The following FAM81B variants were observed in gnomAD, a reference collection of about 807,000 sequenced individuals.
FAM81B encodes family with sequence similarity 81 member B.
A neutral mutation model predicts 58.7 loss-of-function variants in FAM81B; 60 were observed. The observed-to-expected ratio is 1.02, with a 90% CI of 0.83 to 1.27. The LOEUF (loss-of-function observed/expected upper bound fraction) is 1.27. Ranked by LOEUF, FAM81B falls within the 50% of genes most tolerant of loss-of-function variation. The probability of loss-of-function intolerance (pLI) is 0.00; values close to 1 mark genes in which losing one functional copy is unlikely to be tolerated. For synonymous variants in FAM81B, 189 were observed against 179.6 expected (o/e 1.05, Z -0.42); for missense variants, 491 against 522.0 (o/e 0.94, Z 0.58).
intron 3 of FAM81B, among the ~76,000 whole-genome samples, chr5:95,399,951 A>T (rs568791815): frequency 9.8e-5 from 15 of 152,348 alleles, no homozygotes; most frequent in Middle Eastern, 6.8e-3. Context: ...GGAGAGGCTA[A>T]CTAAAATGTT....
intron 4 of FAM81B, 103 bp downstream of exon 4, chr5:95,414,293 A>G: frequency 8.1e-7 from 1 of 1,238,358 alleles, no homozygotes; most frequent in East Asian, 2.4e-5. Context: ...GCAGAAATAT[A>G]TCACTATTGC....
At chr5:95,392,619 G>A (rs1463763698) in intron 1 of FAM81B, among the ~76,000 whole-genome samples, 175 bp from the exon 2 acceptor site, 2 of 152,104 alleles carry the variant, frequency 1.3e-5, no homozygotes, top group African/African-American at 4.8e-5. Flanking sequence ...ATGTTATGGG[G>A]GGATGGGGGA....
chr5:95,447,456 G>A (rs559635237), intron 8 of FAM81B, among the ~76,000 whole-genome samples: 4 of 152,198 alleles, frequency 2.6e-5, no homozygotes, highest in South Asian at 2.1e-4. Flanking sequence ...TAAGGCTATC[G>A]AAGTATGTGT....
At chr5:95,449,328 A>G (rs1745705359) in intron 9 of FAM81B, among the ~76,000 whole-genome samples, 1 of 152,168 alleles carries the variant, frequency 6.6e-6, no homozygotes, top group African/African-American at 2.4e-5. Flanking sequence ...TCCCACCGTC[A>G]TATCAAAATA....
At chr5:95,415,787 T>C (rs1762524319) in intron 4 of FAM81B, among the ~76,000 whole-genome samples, 1 of 152,202 alleles carries the variant, frequency 6.6e-6, no homozygotes, top group Admixed American at 6.5e-5. Flanking sequence ...GATTGTTATA[T>C]GGTTGATTAC....
intron 5 of FAM81B, among the ~76,000 whole-genome samples, chr5:95,422,602 C>A (rs1219332409): frequency 6.6e-6 from 1 of 152,054 alleles, no homozygotes; most frequent in Non-Finnish European, 1.5e-5. Flanking sequence ...CATGCCTCAG[C>A]CTCCTGAGTG....
intron 4 of FAM81B, among the ~76,000 whole-genome samples, chr5:95,417,269 T>G (rs1012203318): frequency 9.9e-5 from 15 of 152,222 alleles, no homozygotes; most frequent in Admixed American, 7.2e-4. Context: ...GAATTGAAAT[T>G]TATCACTTTA....
intron 5 of FAM81B, among the ~76,000 whole-genome samples, chr5:95,421,279 T>G (rs971166177): frequency 6.6e-6 from 1 of 152,120 alleles, no homozygotes; most frequent in Non-Finnish European, 1.5e-5. Context: ...AATGTCCAAA[T>G]CAGACCCACA....
chr5:95,448,919 A>G (rs1358141314), intron 9 of FAM81B: 1 of 323,312 alleles, frequency 3.1e-6, no homozygotes, highest in East Asian at 8.2e-5. Flanking sequence ...ATGAATTAGC[A>G]GAGTCCAGTA....
intron 2 of FAM81B, among the ~76,000 whole-genome samples, chr5:95,395,442 CAAAAAA>C (rs70978184): frequency 6.8e-5 from 7 of 103,114 alleles, no homozygotes; most frequent in African/African-American, 1.9e-4. Flanking sequence ...GACCCCGTCT[CAAAAAA>C]AAAAAAAAAA....
chr5:95,447,558 G>A (rs559569815), intron 8 of FAM81B, among the ~76,000 whole-genome samples: 23 of 152,286 alleles, frequency 1.5e-4, no homozygotes, highest in South Asian at 8.3e-4. Context: ...CTAGGTAACC[G>A]TGGGGTCATT....
At chr5:95,448,783 G>C (rs1745688345) in intron 9 of FAM81B, 1 of 456,506 alleles carries the variant, frequency 2.2e-6, no homozygotes, top group African/African-American at 2.1e-5. Flanking sequence ...ACATACCCAA[G>C]ACGTGACTTG....
rs141758067 is a variant in FAM81B, at chr5:95,425,913, TC to T, written c.657-2689del. Among the ~76,000 whole-genome samples, 1,182 of 150,880 alleles carry T rather than the reference TC, an allele frequency of 7.8e-3. 6 individuals carry two copies. Among genetic ancestry groups the T allele is most frequent in the Non-Finnish European group, 0.011 (750 of 67,904 alleles). Reference sequence around the variant, plus strand: ...CAATCTATGATAGCTTTTTATAGATTCTTTTTTTTAGAAATCTCTCTCATAG... The same window carrying T: ...CAATCTATGATAGCTTTTTATAGATTTTTTTTTTAGAAATCTCTCTCATAG... On this transcript the variant is annotated intron_variant, in intron 5 of 9. Coordinates refer to ENST00000283357, the MANE Select transcript of FAM81B (RefSeq NM_152548.3).
At chr5:95,426,814 T>C (rs950056749) in intron 5 of FAM81B, among the ~76,000 whole-genome samples, 6 of 152,132 alleles carry the variant, frequency 3.9e-5, no homozygotes, top group African/African-American at 7.2e-5. Flanking sequence ...TTTGGGAGGC[T>C]GAGGCGGGCC....
intron 1 of FAM81B, among the ~76,000 whole-genome samples, chr5:95,391,987 C>T (rs1014685057): frequency 6.6e-6 from 1 of 152,168 alleles, no homozygotes; most frequent in Non-Finnish European, 1.5e-5. Context: ...TTTGATCCAG[C>T]AATCCCATTA....
intron 7 of FAM81B, among the ~76,000 whole-genome samples, chr5:95,438,997 TTTTCTAGTACA>T (rs1489607746): frequency 1.3e-5 from 2 of 150,858 alleles, no homozygotes; most frequent in Non-Finnish European, 3.0e-5. Flanking sequence ...ATTATTTGAT[TTTTCTAGTACA>T]TCCTGGATAT....
intron 3 of FAM81B, among the ~76,000 whole-genome samples, chr5:95,402,228 C>A (rs1005627161): frequency 6.6e-6 from 1 of 152,136 alleles, no homozygotes; most frequent in Non-Finnish European, 1.5e-5. Flanking sequence ...TTGAGACATG[C>A]TCATGTGTTT....
chr5:95,446,147 C>T (rs911943055), intron 7 of FAM81B, among the ~76,000 whole-genome samples: 2 of 152,194 alleles, frequency 1.3e-5, no homozygotes, highest in African/African-American at 4.8e-5. Flanking sequence ...TATTTACTAT[C>T]TGGCCTTTGA....
chr5:95,445,569 T>A (rs75775315), intron 7 of FAM81B, among the ~76,000 whole-genome samples: 7,275 of 152,222 alleles, frequency 0.048, 230 homozygotes, highest in Non-Finnish European at 0.074. Context: ...AATCTTTCAT[T>A]CTCTGTTATT....
Sources: allele counts gnomAD v4.1 joint callset (sites outside exome capture counted in the v4.1 genomes callset), GRCh38; gene constraint gnomAD v4.1.1; transcripts MANE v1.5; gene names NCBI Gene and HGNC (gene_info 2026-07-23, HGNC 2026-07-21).